The following CDH11 variants were observed in gnomAD, a reference collection of about 807,000 sequenced individuals.
The protein encoded by CDH11 is cadherin-11.
CDH11 carries 11 observed loss-of-function variants against 67.8 expected under a neutral mutation model. That is an observed-to-expected ratio of 0.16 (90% CI 0.10 to 0.27). The LOEUF is 0.27. Ranked by LOEUF, CDH11 falls within the 10% of genes least tolerant of loss-of-function variation. The probability of loss-of-function intolerance (pLI) is 1.00; values close to 1 mark genes in which losing one functional copy is unlikely to be tolerated. For synonymous variants in CDH11, 419 were observed against 400.0 expected (o/e 1.05, Z -0.57); for missense variants, 847 against 1,031.2 (o/e 0.82, Z 2.45).
chr16:65,040,265 T>C (rs1418569307), intron 2 of CDH11, among the ~76,000 whole-genome samples: 1 of 152,238 alleles, frequency 6.6e-6, no homozygotes, highest in African/African-American at 2.4e-5. Flanking sequence ...TGTATGTTTA[T>C]TGTGGCACTA....
At chr16:64,965,083 G>T (rs917504337) in intron 11 of CDH11, among the ~76,000 whole-genome samples, 1 of 150,716 alleles carries the variant, frequency 6.6e-6, no homozygotes, top group Non-Finnish European at 1.5e-5. Flanking sequence ...TGTTGGCCAG[G>T]CATGGTGGCT....
chr16:65,087,457 G>A (rs534182176), intron 1 of CDH11, among the ~76,000 whole-genome samples: 7 of 152,264 alleles, frequency 4.6e-5, no homozygotes, highest in African/African-American at 9.6e-5. Flanking sequence ...AGTACTAGGT[G>A]GACTCTAATG....
chr16:65,088,620 C>T lies in CDH11; in HGVS notation c.-298+33260G>A, dbSNP rs147289835. ...ATTCCTCTAAGGGGTAATCATTTAG[C>T]ACGTTTTCACTTTTGCCTCCTATAA... On this transcript the variant is annotated intron_variant, in intron 1 of 12. Coordinates refer to ENST00000268603, the MANE Select transcript of CDH11 (RefSeq NM_001797.4). Among the ~76,000 whole-genome samples, 1,254 of 152,250 alleles carry T rather than the reference C, an allele frequency of 8.2e-3. 6 individuals are homozygous for T. The highest frequency in any genetic ancestry group is 0.013 in the Non-Finnish European group (867 of 68,022).
intron 1 of CDH11, among the ~76,000 whole-genome samples, chr16:65,063,364 A>T (rs1283062725): frequency 6.6e-6 from 1 of 152,250 alleles, no homozygotes; most frequent in Non-Finnish European, 1.5e-5. Flanking sequence ...GAACAAAAAA[A>T]GCACTGTCAA....
At chr16:65,017,264 G>A (rs1360859668) in intron 2 of CDH11, among the ~76,000 whole-genome samples, 32 of 152,150 alleles carry the variant, frequency 2.1e-4, no homozygotes, top group Non-Finnish European at 4.6e-4. Flanking sequence ...TCAAGATGGA[G>A]TCACTCTGGT....
At chr16:65,007,867 G>A (rs35178) in intron 2 of CDH11, among the ~76,000 whole-genome samples, 40,100 of 151,994 alleles carry the variant, frequency 0.26, 6,040 homozygotes, top group Middle Eastern at 0.36. Context: ...AAAGCAGGCC[G>A]TCAATACAAT....
chr16:65,061,273 T>C (rs747451573), intron 1 of CDH11, among the ~76,000 whole-genome samples: 8 of 152,174 alleles, frequency 5.3e-5, no homozygotes, highest in Non-Finnish European at 7.3e-5. Context: ...AGCTAGACTA[T>C]TGGAGAAATA....
intron 1 of CDH11, among the ~76,000 whole-genome samples, chr16:65,083,261 C>G (rs886069523): frequency 1.3e-5 from 2 of 152,170 alleles, no homozygotes; most frequent in African/African-American, 4.8e-5. Flanking sequence ...ATCAGGCTGC[C>G]TGGTTCCAAT....
At position 65,121,012 on chromosome 16, in the gene CDH11, G is replaced by A. The variant is rs577968351; in HGVS notation, c.-298+868C>T. ...CGTTCCGGGGCAGAGCGCAGGGAGG[G>A]AGGCCGTGCGTGCCGGGAGCTAGAG... is the stretch of plus-strand genomic sequence containing the variant. On this transcript the variant is annotated intron_variant, in intron 1 of 12. Coordinates refer to ENST00000268603, the MANE Select transcript of CDH11 (RefSeq NM_001797.4). The surrounding 1 kb of genome is among the most constrained non-coding windows in gnomAD (Gnocchi z 4.1). 6.6e-6 allele frequency among the ~76,000 whole-genome samples: 1 copy of A among 152,210 alleles called. No individual in the cohort carries two copies. Among genetic ancestry groups the A allele is most frequent in the African/African-American group, 2.4e-5 (1 of 41,458 alleles).
intron 11 of CDH11, among the ~76,000 whole-genome samples, chr16:64,953,954 G>T (rs2071433797): frequency 1.3e-5 from 2 of 152,160 alleles, no homozygotes; most frequent in Non-Finnish European, 2.9e-5. Flanking sequence ...TATGGGAACA[G>T]AATATTTTTA....
intron 1 of CDH11, among the ~76,000 whole-genome samples, chr16:65,069,474 C>T (rs1374428617): frequency 6.6e-6 from 1 of 152,086 alleles, no homozygotes; most frequent in African/African-American, 2.4e-5. Context: ...CACTTCATGA[C>T]ACATGGAGTA....
At chr16:65,116,737 C>T (rs535013751) in intron 1 of CDH11, among the ~76,000 whole-genome samples, 10 of 150,276 alleles carry the variant, frequency 6.7e-5, no homozygotes, top group Non-Finnish European at 1.2e-4. Context: ...TTCAGCTCTT[C>T]AATTGGCTTA....
chr16:65,066,006 A>G (rs968384987), intron 1 of CDH11, among the ~76,000 whole-genome samples: 2 of 152,234 alleles, frequency 1.3e-5, no homozygotes, highest in African/African-American at 4.8e-5. Flanking sequence ...ATTCACATCC[A>G]TGCAGTCTGA....
chr16:65,090,693 T>G (rs1000964738), intron 1 of CDH11, among the ~76,000 whole-genome samples: 12 of 152,224 alleles, frequency 7.9e-5, no homozygotes, highest in African/African-American at 2.9e-4. Flanking sequence ...CTTACTTCAT[T>G]TAATTTGTAG....
Position 65,011,057 on chromosome 16 carries a change from A to C in CDH11, c.-172-6016T>G, listed in dbSNP as rs531546620. Among the ~76,000 whole-genome samples, 9 of 147,776 alleles carry C rather than the reference A, an allele frequency of 6.1e-5. No homozygotes were observed. The South Asian group carries it at 1.9e-3, about 31-fold the overall frequency. ...CATATGTATATGTATATATGTATATATATCATGTGTATATATGTATATATA... is the reference window on the plus strand; with the variant it reads ...CATATGTATATGTATATATGTATATCTATCATGTGTATATATGTATATATA... On this transcript the variant is annotated intron_variant, in intron 2 of 12. Coordinates refer to ENST00000268603, the MANE Select transcript of CDH11 (RefSeq NM_001797.4).
intron 6 of CDH11, among the ~76,000 whole-genome samples, chr16:64,990,786 G>C (rs1273723883): frequency 1.3e-5 from 2 of 152,054 alleles, no homozygotes; most frequent in Admixed American, 6.5e-5. Flanking sequence ...AAATTTTGTA[G>C]AACAGCCATA....
At position 65,004,861 on chromosome 16, in the gene CDH11, C is replaced by A; in HGVS notation, c.9G>T (p.Glu3Asp). 2 of 1,528,114 alleles carry A rather than the reference C, an allele frequency of 1.3e-6. No homozygotes were observed. Among genetic ancestry groups the A allele is most frequent in the South Asian group, 1.2e-5 (1 of 81,934 alleles). 94.7% of individuals were successfully genotyped at this position (1,528,114 alleles called of 1,614,324 possible). A position where few individuals can be genotyped will look rare whatever the true frequency, so the allele number is the denominator to read the frequency against. Residue 3 changes from glutamate to aspartate, a missense_variant, in exon 3 of 13, where the codon GAG becomes GAT. By Grantham distance (45) the Glu-to-Asp change is conservative (BLOSUM62 2). This residue lies in a region of CDH11 where 235 missense variants were observed against 352.5 expected (regional missense o/e 0.67). Coordinates refer to ENST00000268603, the MANE Select transcript of CDH11 (RefSeq NM_001797.4). Reference protein sequence around the residue: MKENYCLQAALVC... With the variant: MKDNYCLQAALVC... ...CCAGGGCGGCTTGTAAACAGTAGTT[C>A]TCCTTCATTTTTGGTTACGTGGTAG...
rs758115170 is a variant in CDH11, at chr16:64,971,614, A to G, written c.1607T>C (p.Ile536Thr). ...RFIFSLPPEI[I>T]HNPNFTVRDN... The stretch of plus-strand genomic sequence containing the variant: ...TCTGACTGTGAAATTTGGATTGTGA[A>G]TGATTTCAGGGGGTAGGCTGAAGAT... Residue 536 changes from isoleucine (I) to threonine (T), a missense_variant, in exon 11 of 13, where the codon ATT (isoleucine) becomes ACT (threonine). Around this residue, in one of 2 missense-constraint regions of CDH11, gnomAD observed 612 missense variants for 678.7 expected, o/e 0.90. Transcript: ENST00000268603. 1.2e-6 allele frequency: 2 copies of G among 1,613,338 alleles called. No homozygotes were observed. The highest frequency in any genetic ancestry group is 1.7e-6 in the Non-Finnish European group (2 of 1,179,616).
At chr16:64,985,471 T>C (rs886888615) in intron 7 of CDH11, 3 of 152,068 alleles carry the variant, frequency 2.0e-5, no homozygotes, top group African/African-American at 4.8e-5. Context: ...CCTGTTTCCA[T>C]TGATACTAGC....
Sources: gnomAD v4.1 joint callset for allele counts (sites outside exome capture counted in the v4.1 genomes callset) on GRCh38, gnomAD v4.1.1 for gene constraint, gnomAD v4.1.1 regional missense constraint, Gnocchi (gnomAD v3.1) non-coding constraint, MANE v1.5 for transcripts, NCBI Gene and HGNC (gene_info 2026-07-23, HGNC 2026-07-21) for gene names.